Variants in COXFA4 observed in about 807,000 individuals in gnomAD.
COXFA4 encodes cytochrome c oxidase subunit FA4.
chr7:10,940,021 G>C, the COXFA4 span: 1 of 1,613,922 alleles, frequency 6.2e-7, no homozygotes, highest in East Asian at 2.2e-5. Context: ...CTTACGCTCG[G>C]ATGCTTCTTG....
the COXFA4 span, chr7:10,938,226 C>G: frequency 1.6e-6 from 2 of 1,261,054 alleles, no homozygotes; most frequent in Non-Finnish European, 2.3e-6. Flanking sequence ...CATTTTTGAA[C>G]AGATCAATCT....
chr7:10,938,164 A>G, the COXFA4 span: 3 of 1,605,548 alleles, frequency 1.9e-6, no homozygotes, highest in East Asian at 6.7e-5. Flanking sequence ...GAAATAAAAC[A>G]TTACGACTGT....
At chr7:10,938,003 G>A in the COXFA4 span, 56,768 of 1,058,056 alleles carry the variant, frequency 0.054, 1,858 homozygotes, top group African/African-American at 0.12. Flanking sequence ...AATTTTACTC[G>A]TATATCCAGT....
the COXFA4 span, chr7:10,933,478 T>A: frequency 1.7e-6 from 1 of 590,880 alleles, no homozygotes; most frequent in Non-Finnish European, 3.0e-6. Flanking sequence ...TATTTATTGA[T>A]TTAATCATTG....
the COXFA4 span, chr7:10,933,669 G>A: frequency 3.7e-6 from 6 of 1,610,436 alleles, no homozygotes; most frequent in Non-Finnish European, 5.1e-6. Context: ...TCAGCTTGCT[G>A]TAATCCACAT....
chr7:10,937,514 C>T, the COXFA4 span, among the ~76,000 whole-genome samples: 1 of 152,070 alleles, frequency 6.6e-6, no homozygotes, highest in South Asian at 2.1e-4. Context: ...AGCTCCTGAT[C>T]TCAAGTGATC....
the COXFA4 span, among the ~76,000 whole-genome samples, chr7:10,934,105 G>A: frequency 1.3e-5 from 2 of 152,080 alleles, no homozygotes; most frequent in African/African-American, 2.4e-5. Context: ...CCTACTTGCT[G>A]AATGAACTGC....
the COXFA4 span, chr7:10,933,596 G>A: frequency 1.7e-5 from 26 of 1,533,086 alleles, no homozygotes; most frequent in Non-Finnish European, 2.2e-5. Context: ...GCTTCTGGAA[G>A]ACCTTCATTC....
the COXFA4 span, among the ~76,000 whole-genome samples, chr7:10,935,019 G>T: frequency 1.3e-5 from 2 of 152,236 alleles, no homozygotes; most frequent in African/African-American, 4.8e-5. Context: ...TTGGGCTCCT[G>T]CCCAGGCACC....
At chr7:10,935,240 C>G in the COXFA4 span, among the ~76,000 whole-genome samples, 2 of 152,204 alleles carry the variant, frequency 1.3e-5, no homozygotes, top group Non-Finnish European at 2.9e-5. Flanking sequence ...CCAAAATTCT[C>G]TCTAGAATTT....
the COXFA4 span, chr7:10,939,851 C>G: frequency 1.2e-4 from 94 of 815,180 alleles, no homozygotes; most frequent in Admixed American, 1.5e-3. Context: ...CGTAGAGGGT[C>G]ACAGAGGCCT....
the COXFA4 span, chr7:10,938,218 T>A: frequency 1.5e-6 from 2 of 1,328,696 alleles, no homozygotes; most frequent in South Asian, 1.2e-5. Context: ...TAAGAATACA[T>A]TTTTGAACAG....
the COXFA4 span, among the ~76,000 whole-genome samples, chr7:10,936,866 T>C: frequency 1.4e-4 from 22 of 151,990 alleles, no homozygotes; most frequent in Non-Finnish European, 2.6e-4. Flanking sequence ...CAAAACCCCA[T>C]CTCTACTAAA....
the COXFA4 span, chr7:10,933,709 A>G: frequency 1.3e-6 from 2 of 1,587,250 alleles, no homozygotes; most frequent in Non-Finnish European, 8.6e-7. Context: ...ACAGAAAAAA[A>G]GATATTTTAA....
At chr7:10,937,401 G>C in the COXFA4 span, among the ~76,000 whole-genome samples, 50,679 of 151,442 alleles carry the variant, frequency 0.33, 9,598 homozygotes, top group South Asian at 0.47. Flanking sequence ...TCCTGCCTCA[G>C]CCTCCCGAGC....
At chr7:10,938,646 C>A in the COXFA4 span, 12 of 588,218 alleles carry the variant, frequency 2.0e-5, no homozygotes, top group South Asian at 6.3e-5. Flanking sequence ...TTTCATGAAC[C>A]AAAAAAAGTA....
chr7:10,936,102 A>G, the COXFA4 span, among the ~76,000 whole-genome samples: 1 of 152,198 alleles, frequency 6.6e-6, no homozygotes, highest in African/African-American at 2.4e-5. Flanking sequence ...ATTGTGAATG[A>G]TGGAGATAAT....
chr7:10,935,999 G>C, the COXFA4 span, among the ~76,000 whole-genome samples: 2 of 152,238 alleles, frequency 1.3e-5, no homozygotes, highest in South Asian at 4.1e-4. Context: ...AGAGTGGCAG[G>C]TATCATTTCC....
chr7:10,936,160 A>C, the COXFA4 span, among the ~76,000 whole-genome samples: 1 of 152,170 alleles, frequency 6.6e-6, no homozygotes, highest in South Asian at 2.1e-4. Context: ...AGTAGGTTTC[A>C]TTTACTCCAG....
Sources: allele counts gnomAD v4.1 joint callset (sites outside exome capture counted in the v4.1 genomes callset), GRCh38; gene constraint gnomAD v4.1.1; transcripts MANE v1.5; gene names NCBI Gene and HGNC (gene_info 2026-07-23, HGNC 2026-07-21).